The following EBF1 variants were observed in gnomAD, a reference collection of about 807,000 sequenced individuals.
The protein encoded by EBF1 is EBF transcription factor 1.
EBF1 carries 10 observed loss-of-function variants against 68.4 expected under a neutral mutation model. The ratio of observed to expected loss-of-function variants is 0.15; its 90% CI spans 0.09 to 0.25. The LOEUF (loss-of-function observed/expected upper bound fraction) is 0.25, where lower values mean the gene tolerates loss of function less well. EBF1 is among the 10% of genes least tolerant of loss of function. The pLI, the probability that EBF1 is intolerant of heterozygous loss-of-function variation, is 1.00. For synonymous variants in EBF1, 298 were observed against 299.8 expected (o/e 0.99, Z 0.06); for missense variants, 509 against 794.4 (o/e 0.64, Z 4.32).
At chr5:158,825,017 T>C (rs1204905403) in intron 7 of EBF1, among the ~76,000 whole-genome samples, 3 of 152,250 alleles carry the variant, frequency 2.0e-5, no homozygotes, top group Admixed American at 2.0e-4. Context: ...GTATTCTCCT[T>C]AGCCACTGTG....
chr5:158,733,157 G>A (rs1447915036), intron 10 of EBF1, among the ~76,000 whole-genome samples: 2 of 152,148 alleles, frequency 1.3e-5, no homozygotes, highest in African/African-American at 2.4e-5. Context: ...ACAGGAATGA[G>A]CACCAAGGTT....
At chr5:158,997,921 T>C (rs961278726) in intron 6 of EBF1, among the ~76,000 whole-genome samples, 1 of 152,118 alleles carries the variant, frequency 6.6e-6, no homozygotes, top group Non-Finnish European at 1.5e-5. Context: ...CCTCAAGGAA[T>C]GTTTTATACC....
At chr5:159,096,826 G>A (rs1016616277) in intron 2 of EBF1, 148 bp downstream of exon 2, 2 of 1,082,244 alleles carry the variant, frequency 1.8e-6, no homozygotes, top group South Asian at 3.3e-5. Context: ...CCCTGGGTTC[G>A]TCTGGGATGG....
intron 6 of EBF1, among the ~76,000 whole-genome samples, chr5:158,853,262 C>T (rs1793328248): frequency 1.3e-5 from 2 of 152,180 alleles, no homozygotes; most frequent in Admixed American, 6.5e-5. Context: ...CAAAGAGGCA[C>T]TTGTGATTTA....
chr5:158,924,068 A>G (rs1228788718), intron 6 of EBF1, among the ~76,000 whole-genome samples: 1 of 152,196 alleles, frequency 6.6e-6, no homozygotes, highest in East Asian at 1.9e-4. Context: ...TGAGAATGAC[A>G]AGACAAAGTT....
At chr5:158,773,074 T>C (rs749693556) in intron 10 of EBF1, among the ~76,000 whole-genome samples, 3 of 151,478 alleles carry the variant, frequency 2.0e-5, no homozygotes, top group Non-Finnish European at 2.9e-5. Flanking sequence ...ACTATCCCCT[T>C]AGGAGGGAGG....
In EBF1 at chr5:158,923,640, A is replaced by G. The variant is rs1808929684; in HGVS notation, c.555-83530T>C. ...CCACGTTATACCAAAGGGATATACT[A>G]TTAGTTTCCTTAAGTCTGCTCTAGA... On this transcript the variant is annotated intron_variant, in intron 6 of 15. Coordinates refer to ENST00000313708, the MANE Select transcript of EBF1 (RefSeq NM_024007.5). Among the ~76,000 whole-genome samples, 3 of 152,332 alleles carry G rather than the reference A, an allele frequency of 2.0e-5. No individual in the cohort carries two copies. In the South Asian group the frequency reaches 6.2e-4, roughly 32 times the overall value.
At chr5:158,999,392 A>G (rs1156284769) in intron 6 of EBF1, among the ~76,000 whole-genome samples, 1 of 152,132 alleles carries the variant, frequency 6.6e-6, no homozygotes, top group Non-Finnish European at 1.5e-5. Context: ...CTTTTAGAGA[A>G]CTCCTTACAT....
chr5:158,951,492 C>T (rs1329011337), intron 6 of EBF1, among the ~76,000 whole-genome samples: 5 of 152,146 alleles, frequency 3.3e-5, no homozygotes, highest in East Asian at 1.9e-4. Flanking sequence ...GAACCAGACA[C>T]GGAGTATGCT....
chr5:159,007,092 C>G (rs1176411671), intron 6 of EBF1, among the ~76,000 whole-genome samples: 1 of 152,008 alleles, frequency 6.6e-6, no homozygotes, highest in South Asian at 2.1e-4. Flanking sequence ...TGTGAGACAA[C>G]TAAAAATTAT....
chr5:158,854,086 T>G (rs1158325242), intron 6 of EBF1, among the ~76,000 whole-genome samples: 1 of 152,170 alleles, frequency 6.6e-6, no homozygotes, highest in Non-Finnish European at 1.5e-5. Context: ...TATTGTTAAG[T>G]GTGAAATTTG....
intron 6 of EBF1, among the ~76,000 whole-genome samples, chr5:158,958,409 C>T (rs1162758755): frequency 6.6e-6 from 1 of 152,124 alleles, no homozygotes; most frequent in Non-Finnish European, 1.5e-5. Context: ...CCTTTAAATT[C>T]AGGAAGCGGC....
intron 7 of EBF1, among the ~76,000 whole-genome samples, chr5:158,825,584 A>T (rs949470130): frequency 4.6e-5 from 7 of 152,150 alleles, no homozygotes; most frequent in Admixed American, 3.9e-4. Context: ...TTTCAAAGAC[A>T]CTGTCATCTA....
intron 9 of EBF1, among the ~76,000 whole-genome samples, chr5:158,782,369 G>A (rs1776601453): frequency 6.6e-6 from 1 of 152,122 alleles, no homozygotes; most frequent in African/African-American, 2.4e-5. Context: ...CTCTAAAGTA[G>A]TTAACTTGGC....
At chr5:159,098,162 C>A (rs968010272) in intron 1 of EBF1, among the ~76,000 whole-genome samples, 1 of 152,224 alleles carries the variant, frequency 6.6e-6, no homozygotes, top group Non-Finnish European at 1.5e-5. Context: ...CCTGGGGCCA[C>A]CAGATCTCCC....
intron 8 of EBF1, among the ~76,000 whole-genome samples, chr5:158,822,259 C>T (rs983932613): frequency 7.7e-6 from 1 of 129,642 alleles, no homozygotes; most frequent in Non-Finnish European, 1.7e-5. Context: ...CTTGGATGGA[C>T]GGATGGACGG....
intron 7 of EBF1, among the ~76,000 whole-genome samples, chr5:158,837,712 G>A (rs1050101684): frequency 6.6e-6 from 1 of 152,100 alleles, no homozygotes; most frequent in Non-Finnish European, 1.5e-5. Flanking sequence ...TTACTAGTAG[G>A]TTCCACAAAG....
At chr5:158,818,319 C>A (rs377211269) in intron 8 of EBF1, among the ~76,000 whole-genome samples, 3 of 152,256 alleles carry the variant, frequency 2.0e-5, no homozygotes, top group South Asian at 2.1e-4. Context: ...AAATGAAAAA[C>A]ACATTTAAAT....
At chr5:158,853,675 T>C (rs1247536951) in intron 6 of EBF1, among the ~76,000 whole-genome samples, 1 of 152,026 alleles carries the variant, frequency 6.6e-6, no homozygotes, top group Non-Finnish European at 1.5e-5. Flanking sequence ...GTCTCAAAAA[T>C]GTAAGAGAGA....
Sources: gnomAD v4.1 joint callset for allele counts (sites outside exome capture counted in the v4.1 genomes callset) on GRCh38, gnomAD v4.1.1 for gene constraint, MANE v1.5 for transcripts, NCBI Gene and HGNC (gene_info 2026-07-23, HGNC 2026-07-21) for gene names.